KANK4: variants seen among roughly 807,000 people sequenced by gnomAD.
The protein encoded by KANK4 is KN motif and ankyrin repeat domains 4.
KANK4 carries 50 observed loss-of-function variants against 80.8 expected under a neutral mutation model. The observed-to-expected ratio is 0.62, with a 90% CI of 0.49 to 0.78. The LOEUF is 0.78. Among genes scored for constraint, KANK4 ranks in the 30% least tolerant of loss-of-function variants. The probability of loss-of-function intolerance (pLI) is 0.00; values close to 1 mark genes in which losing one functional copy is unlikely to be tolerated. For missense variants in KANK4, 1,196 were observed against 1,240.1 expected, an observed-to-expected ratio of 0.96 and a Z score of 0.53; for synonymous variants, 465 against 506.9, an observed-to-expected ratio of 0.92 and a Z score of 1.11.
chr1:62,241,465 G>A (rs978213054), intron 9 of KANK4, among the ~76,000 whole-genome samples: 3 of 152,220 alleles, frequency 2.0e-5, no homozygotes, highest in Non-Finnish European at 2.9e-5. Flanking sequence ...TTTACCACTC[G>A]TTCTATGCTC....
chr1:62,265,245 T>C (rs552515670), intron 6 of KANK4, among the ~76,000 whole-genome samples: 7 of 152,196 alleles, frequency 4.6e-5, no homozygotes, highest in African/African-American at 1.7e-4. Flanking sequence ...CTTTTTTTTT[T>C]TCTCTGTGTT....
intron 8 of KANK4, among the ~76,000 whole-genome samples, chr1:62,252,006 A>AG (rs1671633261): frequency 6.6e-6 from 1 of 151,432 alleles, no homozygotes; most frequent in African/African-American, 2.4e-5. Flanking sequence ...AAAAAAAAAA[A>AG]AGATTCAGAG....
At chr1:62,270,525 C>T (rs1351855467) in intron 4 of KANK4, among the ~76,000 whole-genome samples, 1 of 151,984 alleles carries the variant, frequency 6.6e-6, no homozygotes, top group Admixed American at 6.6e-5. Flanking sequence ...GCTGGGACTG[C>T]AGGTGCATGT....
intron 9 of KANK4, among the ~76,000 whole-genome samples, chr1:62,240,270 G>T (rs2149112116): frequency 6.6e-6 from 1 of 152,328 alleles, no homozygotes; most frequent in Middle Eastern, 3.4e-3. Flanking sequence ...GGCCAGTGAT[G>T]ATGAGCATTT....
At chr1:62,313,707 G>A (rs930349161) in intron 1 of KANK4, among the ~76,000 whole-genome samples, 5 of 152,044 alleles carry the variant, frequency 3.3e-5, no homozygotes, top group African/African-American at 2.4e-5. Context: ...CTGAGGGTGA[G>A]GGGCAAGGGG....
intron 6 of KANK4, among the ~76,000 whole-genome samples, chr1:62,263,698 C>T (rs1370081304): frequency 3.9e-5 from 6 of 152,194 alleles, no homozygotes; most frequent in Non-Finnish European, 8.8e-5. Context: ...AATGACCTTT[C>T]CCCAGACTCT....
chr1:62,260,886 C>T (rs1215946119), intron 7 of KANK4, among the ~76,000 whole-genome samples: 1 of 152,220 alleles, frequency 6.6e-6, no homozygotes, highest in Admixed American at 6.5e-5. Context: ...GGACTCCTCT[C>T]CTAAAGGCCT....
At chr1:62,257,650 C>T (rs1424131068) in intron 7 of KANK4, among the ~76,000 whole-genome samples, 1 of 151,880 alleles carries the variant, frequency 6.6e-6, no homozygotes, top group Non-Finnish European at 1.5e-5. Flanking sequence ...TTAACAACTG[C>T]TTCTAAGGAC....
intron 7 of KANK4, among the ~76,000 whole-genome samples, chr1:62,262,594 G>A (rs1011940110): frequency 1.3e-5 from 2 of 151,964 alleles, no homozygotes; most frequent in African/African-American, 4.8e-5. Context: ...AATATATAAC[G>A]TATACTCACA....
intron 1 of KANK4, among the ~76,000 whole-genome samples, chr1:62,293,312 C>G (rs1672724169): frequency 6.6e-6 from 1 of 151,630 alleles, no homozygotes; most frequent in Non-Finnish European, 1.5e-5. Flanking sequence ...CCAGGCTGGT[C>G]TCGAACTCCT....
chr1:62,307,711 G>C (rs1644464205), intron 1 of KANK4, among the ~76,000 whole-genome samples: 2 of 151,942 alleles, frequency 1.3e-5, no homozygotes, highest in South Asian at 4.1e-4. Flanking sequence ...CTTCCAGCCA[G>C]GTGTGGCCAT....
intron 1 of KANK4, among the ~76,000 whole-genome samples, chr1:62,284,926 T>C (rs911720461): frequency 6.6e-6 from 1 of 152,194 alleles, no homozygotes; most frequent in Non-Finnish European, 1.5e-5. Flanking sequence ...ACTCAGTCCA[T>C]GGTTCTTAGA....
In KANK4 at chr1:62,274,393, A is replaced by G. The variant is rs12127930; in HGVS notation, c.711T>C (p.Gly237=). 0.44 allele frequency: 701,962 copies of G among 1,613,616 alleles called. 156,320 individuals are homozygous for G. Among genetic ancestry groups the G allele is most frequent in the African/African-American group, 0.62 (46,599 of 74,954 alleles). Residue 237 remains glycine (G), a synonymous_variant, in exon 3 of 10, where the codon GGT becomes GGC. Coordinates refer to ENST00000371153, the MANE Select transcript of KANK4 (RefSeq NM_181712.5). The stretch of plus-strand genomic sequence containing the variant: ...GGAGGTGATTTGGAACCTTCACCAC[A>G]CCCTCTGGAGGCTCAGCTCCCTCCT... The part of the protein sequence containing the change: ...LVQEGAEPPE[G]VVKVPNHLPL...
At chr1:62,262,677 C>G (rs1018383788) in intron 7 of KANK4, among the ~76,000 whole-genome samples, 14 of 152,136 alleles carry the variant, frequency 9.2e-5, no homozygotes, top group Non-Finnish European at 5.9e-5. Context: ...GAATACTACT[C>G]AGCCAGAAAA....
At chr1:62,312,074 T>G (rs1379625878) in intron 1 of KANK4, among the ~76,000 whole-genome samples, 1 of 152,098 alleles carries the variant, frequency 6.6e-6, no homozygotes, top group African/African-American at 2.4e-5. Context: ...TAAAAATGCA[T>G]AAAATAAAAT....
At chr1:62,297,160 T>A (rs1644373216) in intron 1 of KANK4, among the ~76,000 whole-genome samples, 1 of 152,072 alleles carries the variant, frequency 6.6e-6, no homozygotes, top group Non-Finnish European at 1.5e-5. Context: ...GAGGTTACAG[T>A]GAGCCAAGGT....
rs373970631 is a variant in KANK4, at chr1:62,314,624, AGAAATACATACCAAAG to A, written c.-71+4466_-71+4481del. 6.6e-3 allele frequency among the ~76,000 whole-genome samples: 1,009 copies of A among 152,232 alleles called. 13 individuals are homozygous for A. The highest frequency in any genetic ancestry group is 0.023 in the African/African-American group (941 of 41,532). On this transcript the variant is annotated intron_variant, in intron 1 of 9. Coordinates refer to ENST00000371153, the MANE Select transcript of KANK4 (RefSeq NM_181712.5). ...TCATTTGACGTCAGAGCCACAAATT[AGAAATACATACCAAAG>A]GAAACTCTGCAGACACAAAGGATCC...
At chr1:62,278,145 T>C (rs1672352598) in intron 2 of KANK4, among the ~76,000 whole-genome samples, 1 of 151,946 alleles carries the variant, frequency 6.6e-6, no homozygotes, top group South Asian at 2.1e-4. Flanking sequence ...CTTGGTTGAA[T>C]GTGATTTCAA....
intron 1 of KANK4, among the ~76,000 whole-genome samples, chr1:62,318,581 T>C (rs1007487992): frequency 1.3e-5 from 2 of 151,844 alleles, no homozygotes; most frequent in Middle Eastern, 3.2e-3. Flanking sequence ...GGCCGAGGAG[T>C]GCCAGGGTTG....
Sources: gnomAD v4.1 joint callset for allele counts (sites outside exome capture counted in the v4.1 genomes callset) on GRCh38, gnomAD v4.1.1 for gene constraint, MANE v1.5 for transcripts, NCBI Gene and HGNC (gene_info 2026-07-23, HGNC 2026-07-21) for gene names.